The following SPATA6L variants were observed in gnomAD, a reference collection of about 807,000 sequenced individuals.
The protein encoded by SPATA6L is spermatogenesis associated 6-like protein.
A neutral mutation model predicts 49.2 loss-of-function variants in SPATA6L; 68 were observed. The observed-to-expected ratio is 1.38, with a 90% CI of 1.14 to 1.69. The LOEUF (loss-of-function observed/expected upper bound fraction) is 1.69. Ranked by LOEUF, SPATA6L falls within the 40% of genes most tolerant of loss-of-function variation. The pLI is 0.00. For missense variants in SPATA6L, 668 were observed against 464.3 expected (o/e 1.44, Z -4.03); for synonymous variants, 198 against 165.7 (o/e 1.19, Z -1.50).
rs576791921 is a variant in SPATA6L, at chr9:4,604,123, T to C, written c.*1+56A>G. The C allele has an allele frequency of 4.2e-5, 51 of 1,214,896 alleles. No individual in the cohort carries two copies. The East Asian group carries it at 1.1e-3, about 27-fold the overall frequency. 75.3% of individuals were successfully genotyped at this position (1,214,896 alleles called of 1,614,324 possible). The stretch of plus-strand genomic sequence containing the variant: ...TTGATAGGAGGAAACTGAAATTCTT[T>C]TAGCAAACCAAGATAAGGAGAAGCA... On this transcript the variant is annotated intron_variant, in intron 11 of 11. Coordinates refer to ENST00000682582, the MANE Select transcript of SPATA6L (RefSeq NM_001353486.2).
Position 4,618,912 on chromosome 9 carries a change from G to C in SPATA6L, c.773-14C>G. On this transcript the variant is annotated splice_polypyrimidine_tract_variant and intron_variant, in intron 7 of 11. Coordinates refer to ENST00000682582, the MANE Select transcript of SPATA6L (RefSeq NM_001353486.2). ...CAAGAGAAGAAGCTAGAAGAAAGAGGAACAGGCATTTCAATGACTCATTAT... is the reference window on the plus strand; with the variant it reads ...CAAGAGAAGAAGCTAGAAGAAAGAGCAACAGGCATTTCAATGACTCATTAT... 1.9e-6 allele frequency: 3 copies of C among 1,612,714 alleles called. No individual in the cohort carries two copies. Among genetic ancestry groups the C allele is most frequent in the Non-Finnish European group, 2.5e-6 (3 of 1,179,014 alleles).
intron 2 of SPATA6L, among the ~76,000 whole-genome samples, chr9:4,657,680 T>C (rs1458947901): frequency 6.6e-6 from 1 of 152,168 alleles, no homozygotes; most frequent in African/African-American, 2.4e-5. Context: ...GCAGCAGGCT[T>C]TTACAGGTTG....
rs762919654 is a variant in SPATA6L, at chr9:4,635,348, G to T, written c.278C>A (p.Pro93Gln). The T allele has an allele frequency of 1.0e-5, 16 of 1,589,624 alleles. No individual in the cohort carries two copies. Among genetic ancestry groups the T allele is most frequent in the Non-Finnish European group, 1.4e-5 (16 of 1,171,368 alleles). Residue 93 changes from proline (P) to glutamine (Q), a missense_variant, in exon 4 of 12, where the codon CCA becomes CAA. Physicochemically the swap from Pro to Gln is moderately conservative, Grantham distance 76. Coordinates refer to ENST00000682582, the MANE Select transcript of SPATA6L (RefSeq NM_001353486.2). ...GTGCGAAGGTGTCAGCTTGGGCTCT[G>T]GGAAAAGAAAATCTCGTGTGTTTTC... ...YEENTRDFLF[P>Q]EPKLTPSHPR...
intron 9 of SPATA6L, among the ~76,000 whole-genome samples, chr9:4,611,742 T>C (rs1353193050): frequency 6.6e-6 from 1 of 151,690 alleles, no homozygotes; most frequent in Non-Finnish European, 1.5e-5. Context: ...GGCACATGTA[T>C]ACATATGTAA....
intron 5 of SPATA6L, chr9:4,626,574 T>A: frequency 7.7e-7 from 1 of 1,299,548 alleles, no homozygotes; most frequent in Non-Finnish European, 1.0e-6. Context: ...GGAAGCTGCT[T>A]CCTGCAGTTA....
Position 4,599,939 on chromosome 9 carries a change from G to A in SPATA6L, c.*872C>T, listed in dbSNP as rs886449252. ...CCCTCTTCTCTGGGTCTGTATCAAT[G>A]AAGACAAATGTGCCTCTAGTCTCCC... On this transcript the variant is annotated 3_prime_UTR_variant, in exon 12 of 12. Coordinates refer to ENST00000682582, the MANE Select transcript of SPATA6L (RefSeq NM_001353486.2). Among the ~76,000 whole-genome samples the A allele has an allele frequency of 6.6e-6, 1 of 152,160 alleles. No homozygotes were observed. The highest frequency in any genetic ancestry group is 1.5e-5 in the Non-Finnish European group (1 of 68,018).
chr9:4,663,030 GC>G, intron 1 of SPATA6L: 4 of 1,613,752 alleles, frequency 2.5e-6, no homozygotes, highest in Non-Finnish European at 3.4e-6. Flanking sequence ...CACAAGGGCC[GC>G]CCTGATGTCG....
At chr9:4,657,629 G>T (rs1428512542) in intron 2 of SPATA6L, among the ~76,000 whole-genome samples, 1 of 152,130 alleles carries the variant, frequency 6.6e-6, no homozygotes, top group Non-Finnish European at 1.5e-5. Flanking sequence ...GCAGCACTCA[G>T]AACTAAAAGA....
intron 11 of SPATA6L, among the ~76,000 whole-genome samples, chr9:4,601,846 G>A (rs1177161128): frequency 1.3e-5 from 2 of 152,194 alleles, no homozygotes; most frequent in Non-Finnish European, 2.9e-5. Flanking sequence ...CTAGCTATTT[G>A]ATCTTGCCTG....
chr9:4,621,518 C>T (rs1402358550), intron 7 of SPATA6L, among the ~76,000 whole-genome samples: 14 of 150,816 alleles, frequency 9.3e-5, no homozygotes, highest in Admixed American at 9.2e-4. Flanking sequence ...GTCAGAGTTT[C>T]ACTCTTGTTG....
chr9:4,655,009 C>A (rs1257288201), intron 3 of SPATA6L, among the ~76,000 whole-genome samples: 1 of 152,188 alleles, frequency 6.6e-6, no homozygotes, highest in Admixed American at 6.5e-5. Context: ...TCCCAGCACT[C>A]CTGTATCAAT....
chr9:4,601,379 T>TG (rs1554698416), intron 11 of SPATA6L, among the ~76,000 whole-genome samples: 3 of 151,178 alleles, frequency 2.0e-5, no homozygotes, highest in Non-Finnish European at 4.4e-5. Context: ...TTTTTTTTTT[T>TG]GTTTGGTTTT....
At chr9:4,607,168 T>C (rs1038017851) in intron 9 of SPATA6L, among the ~76,000 whole-genome samples, 6 of 152,092 alleles carry the variant, frequency 3.9e-5, no homozygotes, top group Non-Finnish European at 7.3e-5. Context: ...CTACGTCTGA[T>C]TGGTATACCT....
intron 3 of SPATA6L, among the ~76,000 whole-genome samples, chr9:4,652,602 C>G (rs1002128293): frequency 1.3e-5 from 2 of 151,978 alleles, no homozygotes; most frequent in African/African-American, 4.8e-5. Context: ...GTAATCCCAG[C>G]ATTTTGGGAG....
chr9:4,598,081 C>T (rs1290700091), downstream of SPATA6L, among the ~76,000 whole-genome samples: 2 of 152,244 alleles, frequency 1.3e-5, no homozygotes, highest in East Asian at 3.9e-4. Context: ...TTTTATAATT[C>T]ATGGCCTACA....
Position 4,599,978 on chromosome 9 carries a change from C to T in SPATA6L, c.*833G>A, listed in dbSNP as rs1377967284. Among the ~76,000 whole-genome samples the T allele has an allele frequency of 6.6e-6, 1 of 152,218 alleles. No homozygotes were observed. The highest frequency in any genetic ancestry group is 1.5e-5 in the Non-Finnish European group (1 of 68,040). On this transcript the variant is annotated 3_prime_UTR_variant, in exon 12 of 12. Coordinates refer to ENST00000682582, the MANE Select transcript of SPATA6L (RefSeq NM_001353486.2). ...CTCTAGTCTCCCTTTATCCCAGCCC[C>T]TTCCTATTCCTGCTCCCTCACACTG...
At chr9:4,628,348 C>T (rs1830748095) in intron 5 of SPATA6L, 1 of 152,960 alleles carries the variant, frequency 6.5e-6, no homozygotes, top group Non-Finnish European at 1.5e-5. Context: ...ATGCCTATAT[C>T]AAAATATCTC....
At chr9:4,621,182 G>C (rs1174792203) in intron 7 of SPATA6L, among the ~76,000 whole-genome samples, 1 of 152,166 alleles carries the variant, frequency 6.6e-6, no homozygotes, top group Admixed American at 6.5e-5. Context: ...TAAGAATTTT[G>C]ATTAAGTTCA....
chr9:4,603,564 C>A (rs10815030), intron 11 of SPATA6L, among the ~76,000 whole-genome samples: 25,441 of 152,088 alleles, frequency 0.17, 3,159 homozygotes, highest in East Asian at 0.34. Context: ...CATGTGTTTG[C>A]AAAGTTAAAT....
Sources: gnomAD v4.1 joint callset for allele counts (sites outside exome capture counted in the v4.1 genomes callset) on GRCh38, gnomAD v4.1.1 for gene constraint, MANE v1.5 for transcripts, NCBI Gene and HGNC (gene_info 2026-07-23, HGNC 2026-07-21) for gene names.